The following NBPF19 variants were observed in gnomAD, a reference collection of about 807,000 sequenced individuals.
NBPF19 encodes the protein NBPF family member NBPF19.
A neutral mutation model predicts 45.9 loss-of-function variants in NBPF19; 30 were observed. That is an observed-to-expected ratio of 0.65 (90% CI 0.49 to 0.89). NBPF19 has a LOEUF of 0.89. NBPF19 is among the 40% of genes least tolerant of loss of function. The pLI is 0.00. For synonymous variants in NBPF19, 183 were observed against 181.2 expected (o/e 1.01, Z -0.08); for missense variants, 495 against 471.8 (o/e 1.05, Z -0.46).
At chr1:149,479,943 G>T (rs2085075255) in intron 4 of NBPF19, among the ~76,000 whole-genome samples, 199 bp from the exon 5 acceptor site, 2 of 151,156 alleles carry the variant, frequency 1.3e-5, no homozygotes, top group East Asian at 1.9e-4. Context: ...CATCTTGATG[G>T]TGGCCCTCCA....
In NBPF19 at chr1:149,554,530, AAGTCTT is replaced by A. The variant is rs2087196142; in HGVS notation, c.11326_11331del (p.Val3776_Leu3777del). The A allele has an allele frequency of 6.2e-7, 1 of 1,608,148 alleles. No individual in the cohort carries two copies. The highest frequency in any genetic ancestry group is 1.3e-5 in the African/African-American group (1 of 74,646). On this transcript the variant is annotated inframe_deletion, in exon 94 of 94. Coordinates refer to ENST00000651566, the MANE Select transcript of NBPF19 (RefSeq NM_001351365.2). ...GTGCTGATGGAAGTGGAAGAGCCTG[AAGTCTT>A]ACAGGACTCACTGGATGGATGTTAT... is the stretch of plus-strand genomic sequence containing the variant.
Position 149,479,677 on chromosome 1 carries a change from A to G in NBPF19, c.494-465A>G, listed in dbSNP as rs1447436254. On this transcript the variant is annotated intron_variant, in intron 4 of 93. Transcript: ENST00000651566. Reference sequence around the variant, plus strand: ...TCAGACTGGAGCACTCCCCATGGATAGAATGTCCCTGAATAACACAGCAGA... The same window carrying G: ...TCAGACTGGAGCACTCCCCATGGATGGAATGTCCCTGAATAACACAGCAGA... Among the ~76,000 whole-genome samples, 4 of 149,610 alleles carry G rather than the reference A, an allele frequency of 2.7e-5. 1 individual carries two copies. Among genetic ancestry groups the G allele is most frequent in the Non-Finnish European group, 6.0e-5 (4 of 67,032 alleles).
At chr1:149,478,611 C>T (rs1252811893) in intron 3 of NBPF19, among the ~76,000 whole-genome samples, 20 of 150,980 alleles carry the variant, frequency 1.3e-4, no homozygotes, top group African/African-American at 3.2e-4. Flanking sequence ...CTTTTTGAAA[C>T]GGAATTAGGA....
At chr1:149,493,904 A>G (rs1400196816) in intron 17 of NBPF19, among the ~76,000 whole-genome samples, 193 bp downstream of exon 17, 5 of 46,586 alleles carry the variant, frequency 1.1e-4, no homozygotes, top group Non-Finnish European at 7.3e-5. Context: ...TTACTAACTT[A>G]CTATAGGTTG....
At position 149,488,309 on chromosome 1, in the gene NBPF19, C is replaced by G. The variant is rs2085741784; in HGVS notation, c.1213+124C>G. On this transcript the variant is annotated intron_variant, in intron 10 of 93. Transcript: ENST00000651566. ...TTGCCACAGGGAGGACCTATAGGCA[C>G]ATGTAGGTTGAATGAAACTCTAGTT... 20 of 596,328 alleles carry G rather than the reference C, an allele frequency of 3.4e-5. 1 individual carries two copies. The South Asian group carries it at 3.5e-4, about 11-fold the overall frequency. 36.9% of individuals were successfully genotyped at this position (596,328 alleles called of 1,614,324 possible). A position where few individuals can be genotyped will look rare whatever the true frequency, so the allele number is the denominator to read the frequency against.
In NBPF19 at chr1:149,487,318, G is replaced by C; in HGVS notation, c.989-14G>C. On this transcript the variant is annotated splice_polypyrimidine_tract_variant and intron_variant, in intron 8 of 93. Coordinates refer to ENST00000651566, the MANE Select transcript of NBPF19 (RefSeq NM_001351365.2). ...GAACTTAATGTAAGAGGGCCCATCT[G>C]AATTTATTTGCAGGACATCGCTGGG... The C allele has an allele frequency of 1.3e-6, 2 of 1,561,118 alleles. No homozygotes were observed. The highest frequency in any genetic ancestry group is 1.7e-5 in the Admixed American group (1 of 59,846).
intron 73 of NBPF19, among the ~76,000 whole-genome samples, chr1:149,538,403 G>C (rs1415930414): frequency 2.6e-4 from 5 of 19,358 alleles, no homozygotes; most frequent in Admixed American, 6.4e-4. Flanking sequence ...GTGTCACCTG[G>C]ACAATTCACT....
At position 149,521,153 on chromosome 1, in the gene NBPF19, C is replaced by T. The variant is rs1390560036; in HGVS notation, c.6165-166C>T. 1.3e-4 allele frequency among the ~76,000 whole-genome samples: 10 copies of T among 77,888 alleles called. 3 individuals are homozygous for T. Among genetic ancestry groups the T allele is most frequent in the Admixed American group, 1.4e-4 (1 of 7,178 alleles). 51.1% of individuals were successfully genotyped at this position (77,888 alleles called of 152,430 possible). A position where few individuals can be genotyped will look rare whatever the true frequency, so the allele number is the denominator to read the frequency against. ...GTCTTTCTCTTTCATTGTTTTCTAC[C>T]TGGCCCTGTTCTATCCCAACATAAA... On this transcript the variant is annotated intron_variant, in intron 51 of 93. Coordinates refer to ENST00000651566, the MANE Select transcript of NBPF19 (RefSeq NM_001351365.2).
Position 149,556,260 on chromosome 1 carries a change from T to C in NBPF19, c.*1522T>C, listed in dbSNP as rs1163258730. ...AATTAAAACCTTTTGCCTATCACTCTGGACTTTTGGATTGTTTTTTACATT... is the reference window on the plus strand; with the variant it reads ...AATTAAAACCTTTTGCCTATCACTCCGGACTTTTGGATTGTTTTTTACATT... On this transcript the variant is annotated 3_prime_UTR_variant, in exon 94 of 94. Transcript: ENST00000651566. The C allele has an allele frequency of 6.8e-6, 1 of 148,068 alleles. No individual in the cohort carries two copies. Among genetic ancestry groups the C allele is most frequent in the Non-Finnish European group, 1.5e-5 (1 of 66,534 alleles). 9.2% of individuals were successfully genotyped at this position (148,068 alleles called of 1,614,324 possible).
intron 8 of NBPF19, 94 bp downstream of exon 8, chr1:149,486,387 T>C (rs1247485278): frequency 1.5e-6 from 1 of 659,884 alleles, no homozygotes; most frequent in South Asian, 1.6e-5. Context: ...TGGGCTGAGA[T>C]TTGCCATCAC....
chr1:149,475,166 C>T lies in NBPF19; in HGVS notation c.-665C>T, dbSNP rs1248827904. On this transcript the variant is annotated 5_prime_UTR_variant, in exon 1 of 94. Coordinates refer to ENST00000651566, the MANE Select transcript of NBPF19 (RefSeq NM_001351365.2). ...ACAATGGGATGCAGCAGCAAGAATA[C>T]TGAGACAGGAAAGAAAATATTTTAA... Among the ~76,000 whole-genome samples, 2 of 148,362 alleles carry T rather than the reference C, an allele frequency of 1.3e-5. No homozygotes were observed. The highest frequency in any genetic ancestry group is 1.4e-4 in the Admixed American group (2 of 14,796).
Position 149,487,582 on chromosome 1 carries a change from T to C in NBPF19, c.1040+199T>C, listed in dbSNP as rs1445880575. On this transcript the variant is annotated intron_variant, in intron 9 of 93. Coordinates refer to ENST00000651566, the MANE Select transcript of NBPF19 (RefSeq NM_001351365.2). ...TTCCTACCCTTATCATTTACTAACC[T>C]AGTGAAAGTTGACCATACCTCAAAA... Among the ~76,000 whole-genome samples, 47 of 151,030 alleles carry C rather than the reference T, an allele frequency of 3.1e-4. 1 individual carries two copies. The highest frequency in any genetic ancestry group is 5.2e-4 in the Non-Finnish European group (35 of 67,568).
In NBPF19 at chr1:149,488,172, T is replaced by C. The variant is rs1168752879; in HGVS notation, c.1200T>C (p.Ala400=). ...YVLEQQRVGL[A]IDMDEIEKYQ... is the part of the protein sequence containing the mutation. Reference sequence around the variant, plus strand: ...TGGAGCAACAGCGTGTTGGCTTGGCTATTGACATGGATGGTGAGTACCTTT... The same window carrying C: ...TGGAGCAACAGCGTGTTGGCTTGGCCATTGACATGGATGGTGAGTACCTTT... The change falls in exon 10 of 94, where the codon GCT becomes GCC. Residue 400 remains alanine (A), a synonymous_variant. Transcript: ENST00000651566. 14 of 665,864 alleles carry C rather than the reference T, an allele frequency of 2.1e-5. 1 individual carries two copies. Among genetic ancestry groups the C allele is most frequent in the Non-Finnish European group, 3.5e-5 (13 of 372,020 alleles). 41.2% of individuals were successfully genotyped at this position (665,864 alleles called of 1,614,324 possible).
chr1:149,494,454 G>C lies in NBPF19; in HGVS notation c.2134G>C (p.Glu712Gln), dbSNP rs2086007146. 8.1e-6 allele frequency: 2 copies of C among 247,630 alleles called. No individual in the cohort carries two copies. Among genetic ancestry groups the C allele is most frequent in the East Asian group, 1.8e-4 (2 of 11,176 alleles). The allele number at this position is 247,630 out of a possible 1,614,324, so 15.3% of individuals were successfully genotyped here. ...CTACAGCAGTGCTGTTTACTCATTG[G>C]AGGAACAGTACCTTGGCTTGGCTCT... The part of the protein sequence containing the change: ...QPYSSAVYSL[E>Q]EQYLGLALDV... Residue 712 changes from glutamate to glutamine, a missense_variant, in exon 18 of 94, where the codon GAG (glutamate) becomes CAG (glutamine). By Grantham distance (29) the Glu-to-Gln change is conservative. Transcript: ENST00000651566.
intron 9 of NBPF19, 71 bp from the exon 10 acceptor site, chr1:149,487,942 T>C (rs1460242166): frequency 4.2e-6 from 3 of 717,524 alleles, no homozygotes; most frequent in South Asian, 3.0e-5. Context: ...ATGTTAGCCA[T>C]GAAATCTAGC....
In NBPF19 at chr1:149,539,717, G is replaced by T; in HGVS notation, c.9092+46G>T. ...ATGCTTAATTCTGTGTTAACACCTG[G>T]AGGCAACAGATTCAGAGAAACCAGA... is the stretch of plus-strand genomic sequence containing the variant. On this transcript the variant is annotated intron_variant, in intron 75 of 93. Transcript: ENST00000651566. 2.7e-5 allele frequency: 2 copies of T among 74,804 alleles called. 1 individual carries two copies. Among genetic ancestry groups the T allele is most frequent in the Non-Finnish European group, 3.8e-5 (2 of 52,734 alleles). The allele number at this position is 74,804 out of a possible 1,614,324, so 4.6% of individuals were successfully genotyped here.
chr1:149,479,680 A>G lies in NBPF19; in HGVS notation c.494-462A>G, dbSNP rs1249618607. On this transcript the variant is annotated intron_variant, in intron 4 of 93. Coordinates refer to ENST00000651566, the MANE Select transcript of NBPF19 (RefSeq NM_001351365.2). ...GACTGGAGCACTCCCCATGGATAGA[A>G]TGTCCCTGAATAACACAGCAGAAGC... Among the ~76,000 whole-genome samples, 3 of 149,504 alleles carry G rather than the reference A, an allele frequency of 2.0e-5. 1 individual carries two copies. Among genetic ancestry groups the G allele is most frequent in the African/African-American group, 7.4e-5 (3 of 40,608 alleles).
At position 149,554,655 on chromosome 1, in the gene NBPF19, C is replaced by G. The variant is rs1392756901; in HGVS notation, c.11449C>G (p.Leu3817Val). ...TGAGGAAGAGCATATCAGCTTCGCC[C>G]TTTACTTGGACAATAGGTTTTTTAC... ...SFEEEHISFA[L>V]YLDNRFFTLT... The change falls in exon 94 of 94, where the codon CTT (leucine) becomes GTT (valine). Residue 3817 changes from leucine (L) to valine (V), a missense_variant. Physicochemically the swap from Leu to Val is conservative, Grantham distance 32. Coordinates refer to ENST00000651566, the MANE Select transcript of NBPF19 (RefSeq NM_001351365.2). The G allele has an allele frequency of 7.5e-6, 12 of 1,608,152 alleles. No individual in the cohort carries two copies. The African/African-American group carries it at 1.5e-4, about 20-fold the overall frequency.
intron 93 of NBPF19, among the ~76,000 whole-genome samples, 154 bp from the exon 94 acceptor site, chr1:149,554,341 C>G (rs1297071709): frequency 2.6e-5 from 4 of 151,252 alleles, no homozygotes; most frequent in South Asian, 2.1e-4. Context: ...TGTTCTATCC[C>G]AACATAAAGG....
Sources: gnomAD v4.1 joint callset for allele counts (sites outside exome capture counted in the v4.1 genomes callset) on GRCh38, gnomAD v4.1.1 for gene constraint, MANE v1.5 for transcripts, NCBI Gene and HGNC (gene_info 2026-07-23, HGNC 2026-07-21) for gene names.